CIRSR: variants seen among roughly 807,000 people sequenced by gnomAD.
CIRSR encodes CBF1 (RBPJ) interacting corepressor 1.
chr2:174,353,472 G>T, the CIRSR span, among the ~76,000 whole-genome samples: 1 of 151,502 alleles, frequency 6.6e-6, no homozygotes, highest in African/African-American at 2.4e-5. Context: ...AGAGCTTTTT[G>T]TGTGTGTGTG....
At chr2:174,362,746 G>A in the CIRSR span, among the ~76,000 whole-genome samples, 1 of 149,076 alleles carries the variant, frequency 6.7e-6, no homozygotes, top group African/African-American at 2.5e-5. Context: ...TGAGGTCGCA[G>A]GGCAAACCGC....
the CIRSR span, among the ~76,000 whole-genome samples, chr2:174,350,357 T>C: frequency 7.2e-5 from 11 of 152,208 alleles, no homozygotes; most frequent in East Asian, 1.9e-4. Flanking sequence ...TAAGAACAAA[T>C]TGTGTGCGAA....
the CIRSR span, among the ~76,000 whole-genome samples, chr2:174,350,953 A>T: frequency 6.6e-6 from 1 of 152,216 alleles, no homozygotes; most frequent in Non-Finnish European, 1.5e-5. Flanking sequence ...GGTTAACATG[A>T]CTGCTTTGCC....
chr2:174,388,250 G>A, the CIRSR span, among the ~76,000 whole-genome samples: 24 of 152,216 alleles, frequency 1.6e-4, no homozygotes, highest in Admixed American at 2.6e-4. Flanking sequence ...CCAGACTGGA[G>A]TGCAATGGCA....
At chr2:174,348,353 G>C in the CIRSR span, 8 of 1,314,598 alleles carry the variant, frequency 6.1e-6, no homozygotes, top group Non-Finnish European at 8.1e-6. Context: ...TGACAGTCTA[G>C]AGATGAAAAA....
chr2:174,390,087 C>T, the CIRSR span, among the ~76,000 whole-genome samples: 114,535 of 152,104 alleles, frequency 0.75, 43,245 homozygotes, highest in South Asian at 0.85. Flanking sequence ...AGTGGAGCTG[C>T]GAGAAGAGGG....
chr2:174,348,812 C>T, the CIRSR span: 2 of 1,614,154 alleles, frequency 1.2e-6, no homozygotes, highest in Non-Finnish European at 1.7e-6. Context: ...ATTTGCTGTC[C>T]TCCCTAGAAC....
chr2:174,377,807 A>C, the CIRSR span, among the ~76,000 whole-genome samples: 1 of 126,398 alleles, frequency 7.9e-6, no homozygotes, highest in African/African-American at 2.9e-5. Context: ...CCTGGGCAAC[A>C]GAGCCAGACG....
the CIRSR span, among the ~76,000 whole-genome samples, chr2:174,381,315 A>G: frequency 2.0e-5 from 3 of 152,202 alleles, no homozygotes; most frequent in Non-Finnish European, 2.9e-5. Flanking sequence ...AATATCTGTC[A>G]TAGTACTTTT....
At chr2:174,394,372 T>C in the CIRSR span, among the ~76,000 whole-genome samples, 1 of 152,184 alleles carries the variant, frequency 6.6e-6, no homozygotes, top group Non-Finnish European at 1.5e-5. Context: ...TCAAAAGTTA[T>C]TGAGCCAACC....
the CIRSR span, among the ~76,000 whole-genome samples, chr2:174,352,189 G>A: frequency 6.8e-6 from 1 of 147,486 alleles, no homozygotes; most frequent in Non-Finnish European, 1.5e-5. Context: ...TGAATACATT[G>A]CCAAGTGGTT....
chr2:174,358,637 G>A, the CIRSR span: 1 of 152,638 alleles, frequency 6.6e-6, no homozygotes, highest in African/African-American at 2.4e-5. Context: ...GGCAATAATA[G>A]TTAATTCATA....
At chr2:174,354,800 C>A in the CIRSR span, among the ~76,000 whole-genome samples, 1 of 122,898 alleles carries the variant, frequency 8.1e-6, no homozygotes, top group Admixed American at 1.1e-4. Context: ...CAGGGTTTTG[C>A]CATGTTGCCC....
chr2:174,381,602 T>C, the CIRSR span: 2 of 785,898 alleles, frequency 2.5e-6, no homozygotes, highest in East Asian at 2.7e-5. Flanking sequence ...GGTTGTAGTG[T>C]GCTGAGATGG....
chr2:174,369,965 G>A, the CIRSR span: 1 of 1,363,748 alleles, frequency 7.3e-7, no homozygotes, highest in Non-Finnish European at 9.8e-7. Flanking sequence ...GGTGCTGATA[G>A]ATTTGCTCAG....
chr2:174,383,289 T>C, the CIRSR span, among the ~76,000 whole-genome samples: 1 of 152,200 alleles, frequency 6.6e-6, no homozygotes, highest in African/African-American at 2.4e-5. Flanking sequence ...TGCTAATGGG[T>C]AGAAGATTTC....
chr2:174,391,199 C>T, the CIRSR span, among the ~76,000 whole-genome samples: 2 of 152,102 alleles, frequency 1.3e-5, no homozygotes, highest in African/African-American at 2.4e-5. Context: ...ATTTCACACA[C>T]ATTTGACAGG....
the CIRSR span, among the ~76,000 whole-genome samples, chr2:174,388,989 C>G: frequency 6.6e-6 from 1 of 152,184 alleles, no homozygotes; most frequent in Non-Finnish European, 1.5e-5. Context: ...GTTTGCTTCC[C>G]CTTCTGCCAT....
the CIRSR span, chr2:174,387,781 T>C: frequency 3.8e-6 from 6 of 1,572,046 alleles, no homozygotes; most frequent in Non-Finnish European, 5.2e-6. Context: ...CATCCATACC[T>C]AGATTAGTGA....
Sources: gnomAD v4.1 joint callset for allele counts (sites outside exome capture counted in the v4.1 genomes callset) on GRCh38, gnomAD v4.1.1 for gene constraint, MANE v1.5 for transcripts, NCBI Gene and HGNC (gene_info 2026-07-23, HGNC 2026-07-21) for gene names.